Variants in RHOBTB1 observed in about 807,000 individuals in gnomAD.
RHOBTB1 encodes the protein Rho related BTB domain containing 1.
A neutral mutation model predicts 71.6 loss-of-function variants in RHOBTB1; 40 were observed. That is an observed-to-expected ratio of 0.56 (90% CI 0.43 to 0.73). RHOBTB1 has a LOEUF of 0.73. Ranked by LOEUF, RHOBTB1 falls within the 30% of genes least tolerant of loss-of-function variation. The pLI is 0.00. For missense variants in RHOBTB1, 797 were observed against 894.0 expected (o/e 0.89, Z 1.38); for synonymous variants, 319 against 334.9 (o/e 0.95, Z 0.52).
intron 2 of RHOBTB1, among the ~76,000 whole-genome samples, chr10:60,914,422 A>C (rs1180487481): frequency 6.6e-6 from 1 of 152,202 alleles, no homozygotes; most frequent in Non-Finnish European, 1.5e-5. Flanking sequence ...CATTACTTTA[A>C]ATGTCCTCAG....
intron 2 of RHOBTB1, among the ~76,000 whole-genome samples, chr10:60,914,952 T>C (rs1474587465): frequency 6.6e-6 from 1 of 152,192 alleles, no homozygotes; most frequent in Non-Finnish European, 1.5e-5. Context: ...GAGTTAAATA[T>C]TCAGGGCCCA....
intron 9 of RHOBTB1, among the ~76,000 whole-genome samples, chr10:60,872,537 G>A (rs1341061879): frequency 1.3e-5 from 2 of 152,146 alleles, no homozygotes; most frequent in Non-Finnish European, 2.9e-5. Flanking sequence ...CGAATCACGA[G>A]CTTAAAGTAT....
At chr10:60,902,555 C>G (rs2082460535) in intron 4 of RHOBTB1, among the ~76,000 whole-genome samples, 1 of 152,104 alleles carries the variant, frequency 6.6e-6, no homozygotes, top group Non-Finnish European at 1.5e-5. Flanking sequence ...TACTCATTCA[C>G]AAAAGGCATT....
chr10:60,935,498 T>C (rs2084528091), intron 2 of RHOBTB1, among the ~76,000 whole-genome samples: 1 of 152,254 alleles, frequency 6.6e-6, no homozygotes, highest in South Asian at 2.1e-4. Flanking sequence ...TTAGTTCAGA[T>C]TCCTGGGCCC....
At chr10:60,935,446 A>T (rs1443732910) in intron 2 of RHOBTB1, among the ~76,000 whole-genome samples, 1 of 152,080 alleles carries the variant, frequency 6.6e-6, no homozygotes, top group Admixed American at 6.6e-5. Flanking sequence ...ATATACTGAT[A>T]ATTTTTTTTT....
At chr10:60,892,527 T>G (rs186935225) in intron 5 of RHOBTB1, among the ~76,000 whole-genome samples, 3 of 152,348 alleles carry the variant, frequency 2.0e-5, no homozygotes, top group Non-Finnish European at 2.9e-5. Flanking sequence ...TCTAATACTT[T>G]ATACTTTTCA....
At chr10:60,978,562 C>G (rs964918601) in intron 2 of RHOBTB1, among the ~76,000 whole-genome samples, 1 of 152,044 alleles carries the variant, frequency 6.6e-6, no homozygotes, top group African/African-American at 2.4e-5. Flanking sequence ...AGTGTAAACC[C>G]GTGCTGGGAC....
At chr10:60,990,366 C>G (rs968503436) in intron 1 of RHOBTB1, among the ~76,000 whole-genome samples, 1 of 152,134 alleles carries the variant, frequency 6.6e-6, no homozygotes, top group Admixed American at 6.5e-5. Flanking sequence ...ATTTTTCTCT[C>G]TATCTTGTCT....
intron 2 of RHOBTB1, among the ~76,000 whole-genome samples, chr10:60,932,684 T>C (rs944917693): frequency 3.3e-5 from 5 of 152,086 alleles, no homozygotes; most frequent in African/African-American, 9.7e-5. Context: ...ATGTTCATGA[T>C]ACATCTTTAA....
At chr10:60,939,935 T>C (rs2084809762) in intron 2 of RHOBTB1, among the ~76,000 whole-genome samples, 1 of 152,236 alleles carries the variant, frequency 6.6e-6, no homozygotes, top group South Asian at 2.1e-4. Context: ...CATTATATGA[T>C]TCAAAGTATA....
chr10:60,930,368 A>G (rs2084170401), intron 2 of RHOBTB1, among the ~76,000 whole-genome samples: 1 of 152,216 alleles, frequency 6.6e-6, no homozygotes, highest in African/African-American at 2.4e-5. Flanking sequence ...TGTGCTTGGT[A>G]TCAAGAGAAC....
intron 2 of RHOBTB1, among the ~76,000 whole-genome samples, chr10:60,952,580 A>T (rs1177208949): frequency 1.3e-5 from 2 of 152,236 alleles, no homozygotes; most frequent in African/African-American, 4.8e-5. Flanking sequence ...AGTATTATTC[A>T]TCTTAAAGTA....
In RHOBTB1 at chr10:60,888,386, T is replaced by C; in HGVS notation, c.1282A>G (p.Lys428Glu). ...ATCTGAGCCAGGCCCACCAAATCCTTTTCCTTTTCATCCAGTTGTCCCGTA... is the reference window on the plus strand; with the variant it reads ...ATCTGAGCCAGGCCCACCAAATCCTCTTCCTTTTCATCCAGTTGTCCCGTA... ...LYTGQLDEKE[K>E]DLVGLAQIAE... is the part of the protein sequence containing the mutation. Residue 428 changes from lysine (K) to glutamate (E), a missense_variant, in exon 6 of 11, where the codon AAG becomes GAG. Transcript: ENST00000337910. 6.2e-7 allele frequency: 1 copy of C among 1,614,126 alleles called. No individual in the cohort carries two copies. Among genetic ancestry groups the C allele is most frequent in the Non-Finnish European group, 8.5e-7 (1 of 1,180,014 alleles).
intron 2 of RHOBTB1, among the ~76,000 whole-genome samples, chr10:60,960,492 T>C (rs2085741993): frequency 6.6e-6 from 1 of 152,198 alleles, no homozygotes; most frequent in African/African-American, 2.4e-5. Context: ...CATAATATAT[T>C]GTACCAAATA....
intron 2 of RHOBTB1, among the ~76,000 whole-genome samples, chr10:60,973,031 G>A (rs190264959): frequency 4.6e-5 from 7 of 152,016 alleles, no homozygotes; most frequent in Non-Finnish European, 7.4e-5. Flanking sequence ...TTCTAATGCC[G>A]GGGCAACAAA....
intron 2 of RHOBTB1, among the ~76,000 whole-genome samples, chr10:60,913,864 G>A (rs2083124492): frequency 6.6e-6 from 1 of 152,176 alleles, no homozygotes; most frequent in Non-Finnish European, 1.5e-5. Context: ...CATCTGTTAA[G>A]TGGGTATCAT....
At position 60,888,643 on chromosome 10, in the gene RHOBTB1, T is replaced by C; in HGVS notation, c.1025A>G (p.Gln342Arg). The change falls in exon 6 of 11, where the codon CAG becomes CGG. Residue 342 changes from glutamine to arginine, a missense_variant. Physicochemically the swap from Gln to Arg is conservative, Grantham distance 43. This residue lies in a region of RHOBTB1 where 658 missense variants were observed against 681.5 expected (regional missense o/e 0.97). Transcript: ENST00000337910. ...GTTTGAAGACTTCCACTGGTCGGCC[T>C]GAGGAATCCTAGGCGGGCCCTCCTC... ...EREEGPPRIP[Q>R]ADQWKSSNKS... The C allele has an allele frequency of 1.9e-6, 3 of 1,614,206 alleles. No homozygotes were observed. Among genetic ancestry groups the C allele is most frequent in the Non-Finnish European group, 2.5e-6 (3 of 1,180,036 alleles).
intron 7 of RHOBTB1, 114 bp from the exon 8 acceptor site, chr10:60,878,172 C>A: frequency 1.3e-6 from 1 of 769,280 alleles, no homozygotes; most frequent in Non-Finnish European, 2.1e-6. Context: ...GAGTGTTGGA[C>A]ACCTGCTTTG....
intron 1 of RHOBTB1, among the ~76,000 whole-genome samples, chr10:60,994,059 T>C (rs2086960346): frequency 6.6e-6 from 1 of 152,128 alleles, no homozygotes; most frequent in Admixed American, 6.5e-5. Context: ...GAAAGGTAAA[T>C]GTGACTCAAA....
Sources: gnomAD v4.1 joint callset for allele counts (sites outside exome capture counted in the v4.1 genomes callset) on GRCh38, gnomAD v4.1.1 for gene constraint, gnomAD v4.1.1 regional missense constraint, MANE v1.5 for transcripts, NCBI Gene and HGNC (gene_info 2026-07-23, HGNC 2026-07-21) for gene names.